Variants in ENTPD1 observed in about 807,000 individuals in gnomAD.
The protein encoded by ENTPD1 is ectonucleoside triphosphate diphosphohydrolase 1.
A neutral mutation model predicts 57.0 loss-of-function variants in ENTPD1; 33 were observed. The observed-to-expected ratio is 0.58, with a 90% confidence interval of 0.44 to 0.77. The LOEUF (loss-of-function observed/expected upper bound fraction) is 0.77. Among genes scored for constraint, ENTPD1 ranks in the 30% least tolerant of loss-of-function variants. The pLI, the probability that ENTPD1 is intolerant of heterozygous loss-of-function variation, is 0.00. For missense variants in ENTPD1, 501 were observed against 603.4 expected (o/e 0.83, Z 1.78); for synonymous variants, 202 against 218.8 (o/e 0.92, Z 0.68).
chr10:95,759,448 C>T (rs925740216), intron 1 of ENTPD1, among the ~76,000 whole-genome samples: 5 of 152,196 alleles, frequency 3.3e-5, no homozygotes, highest in Non-Finnish European at 7.3e-5. Flanking sequence ...CTGAACAGAA[C>T]ATCTGGTTCC....
chr10:95,873,188 G>A lies in ENTPD1; in HGVS notation c.*6805G>A, dbSNP rs2098482341. 2 of 985,262 alleles carry A rather than the reference G, an allele frequency of 2.0e-6. No homozygotes were observed. The highest frequency in any genetic ancestry group is 1.2e-4 in the Admixed American group (2 of 16,268). The allele number at this position is 985,262 out of a possible 1,614,324, so 61.0% of individuals were successfully genotyped here. ...CACTTTGCGTATCAAAGGTCTAGAT[G>A]ACATTATCATTCCAAAGAGTTTCTT... On this transcript the variant is annotated 3_prime_UTR_variant, in exon 10 of 10. Coordinates refer to ENST00000371205, the MANE Select transcript of ENTPD1 (RefSeq NM_001776.6).
chr10:95,712,169 G>C (rs1566084455), intron 1 of ENTPD1, among the ~76,000 whole-genome samples: 1 of 152,088 alleles, frequency 6.6e-6, no homozygotes, highest in South Asian at 2.1e-4. Context: ...TTTTTGGTAT[G>C]AATATTCACA....
In ENTPD1 at chr10:95,868,452, T is replaced by C; in HGVS notation, c.*2069T>C. The C allele has an allele frequency of 1.0e-6, 1 of 985,428 alleles. No homozygotes were observed. Among genetic ancestry groups the C allele is most frequent in the Non-Finnish European group, 1.2e-6 (1 of 829,938 alleles). 61.0% of individuals were successfully genotyped at this position (985,428 alleles called of 1,614,324 possible). On this transcript the variant is annotated 3_prime_UTR_variant, in exon 10 of 10. Transcript: ENST00000371205. ...AATCAGTGGTTCCCATACCCCTGGC[T>C]TCCTAATTTTAATGTTTGCTCACAG...
chr10:95,707,953 T>C (rs566859575), upstream of ENTPD1, among the ~76,000 whole-genome samples: 1 of 152,264 alleles, frequency 6.6e-6, no homozygotes, highest in African/African-American at 2.4e-5. Context: ...GATTTATGCG[T>C]TGTTCTGTAT....
At chr10:95,805,645 T>A (rs2098269080) in intron 1 of ENTPD1, among the ~76,000 whole-genome samples, 1 of 152,222 alleles carries the variant, frequency 6.6e-6, no homozygotes, top group Admixed American at 6.5e-5. Context: ...TTCCTTTCCA[T>A]GTTTAGTGCT....
At chr10:95,694,254 C>T in the ENTPD1 span, 1 of 302,634 alleles carries the variant, frequency 3.3e-6, no homozygotes, top group African/African-American at 2.3e-5. Flanking sequence ...AGCCCGGCCT[C>T]CGGTGCAAGG....
rs770662343 is a variant in ENTPD1, at chr10:95,823,224, C to T, written c.17-13C>T. 4.3e-6 allele frequency: 7 copies of T among 1,613,646 alleles called. No homozygotes were observed. The East Asian group carries it at 1.6e-4, about 36-fold the overall frequency. The stretch of plus-strand genomic sequence containing the variant: ...TTCTTGTTGGTATTTTTTTCTTCTG[C>T]TTTTGGTTTTAGAGTCTAACGTGAA... On this transcript the variant is annotated splice_polypyrimidine_tract_variant and intron_variant, in intron 1 of 9. Coordinates refer to ENST00000371205, the MANE Select transcript of ENTPD1 (RefSeq NM_001776.6).
In ENTPD1 at chr10:95,872,424, C is replaced by A; in HGVS notation, c.*6041C>A. 1.0e-6 allele frequency: 1 copy of A among 985,426 alleles called. No homozygotes were observed. The highest frequency in any genetic ancestry group is 1.2e-6 in the Non-Finnish European group (1 of 829,926). 61.0% of individuals were successfully genotyped at this position (985,426 alleles called of 1,614,324 possible). On this transcript the variant is annotated 3_prime_UTR_variant, in exon 10 of 10. Coordinates refer to ENST00000371205, the MANE Select transcript of ENTPD1 (RefSeq NM_001776.6). ...TACAGCCAGGTAGAATGACTGTTCACCCAACACCACTCAGGTTGTCTTCTC... is the reference window on the plus strand; with the variant it reads ...TACAGCCAGGTAGAATGACTGTTCAACCAACACCACTCAGGTTGTCTTCTC...
chr10:95,801,037 T>C (rs1196675598), intron 1 of ENTPD1, among the ~76,000 whole-genome samples: 1 of 152,118 alleles, frequency 6.6e-6, no homozygotes, highest in African/African-American at 2.4e-5. Flanking sequence ...TGTTCAGAGA[T>C]TGCAGTAAAG....
At chr10:95,702,190 A>G in the ENTPD1 span, among the ~76,000 whole-genome samples, 3 of 152,046 alleles carry the variant, frequency 2.0e-5, no homozygotes, top group East Asian at 5.8e-4. Flanking sequence ...TAATAATATT[A>G]GGTCCCAATA....
intron 1 of ENTPD1, among the ~76,000 whole-genome samples, chr10:95,777,405 T>C (rs1442927845): frequency 6.6e-6 from 1 of 152,252 alleles, no homozygotes; most frequent in African/African-American, 2.4e-5. Context: ...ACTGCAGGTC[T>C]GTTGGAGTTT....
intron 1 of ENTPD1, among the ~76,000 whole-genome samples, chr10:95,717,876 TC>T (rs1158667146): frequency 6.6e-6 from 1 of 152,180 alleles, no homozygotes; most frequent in African/African-American, 2.4e-5. Context: ...GCAGTAGATC[TC>T]AGTCATGGAC....
intron 1 of ENTPD1, among the ~76,000 whole-genome samples, chr10:95,746,650 T>C (rs2098006401): frequency 6.6e-6 from 1 of 152,166 alleles, no homozygotes; most frequent in South Asian, 2.1e-4. Flanking sequence ...GGACGGGGCA[T>C]TTTTTGAACG....
intron 8 of ENTPD1, among the ~76,000 whole-genome samples, chr10:95,862,762 A>C (rs141647013): frequency 6.6e-6 from 1 of 152,318 alleles, no homozygotes; most frequent in African/African-American, 2.4e-5. Flanking sequence ...AGCCCAAGTG[A>C]ACAATGTGAT....
At chr10:95,852,201 T>C (rs1195647790) in intron 7 of ENTPD1, among the ~76,000 whole-genome samples, 3 of 152,256 alleles carry the variant, frequency 2.0e-5, no homozygotes, top group Non-Finnish European at 2.9e-5. Flanking sequence ...CATTTTTTCA[T>C]GTATCTGTTG....
intron 7 of ENTPD1, among the ~76,000 whole-genome samples, chr10:95,850,527 T>C (rs748443641): frequency 2.0e-5 from 3 of 152,144 alleles, no homozygotes; most frequent in Non-Finnish European, 4.4e-5. Context: ...GGGAGCTGAT[T>C]TGTAGCACTT....
chr10:95,812,891 C>A (rs570607185), intron 1 of ENTPD1, among the ~76,000 whole-genome samples: 2 of 152,134 alleles, frequency 1.3e-5, no homozygotes, highest in East Asian at 3.9e-4. Flanking sequence ...AGTTAGAATA[C>A]ATTTAATATG....
intron 1 of ENTPD1, among the ~76,000 whole-genome samples, chr10:95,727,180 G>A (rs561499723): frequency 6.6e-6 from 1 of 152,278 alleles, no homozygotes; most frequent in African/African-American, 2.4e-5. Flanking sequence ...CTCTCGATTT[G>A]AGTCATAGTT....
chr10:95,805,012 G>T (rs2098266170), intron 1 of ENTPD1, among the ~76,000 whole-genome samples: 1 of 152,078 alleles, frequency 6.6e-6, no homozygotes, highest in Non-Finnish European at 1.5e-5. Context: ...GGTCTGCTTG[G>T]TGCAGAGCTG....
Sources: allele counts gnomAD v4.1 joint callset (sites outside exome capture counted in the v4.1 genomes callset), GRCh38; gene constraint gnomAD v4.1.1; transcripts MANE v1.5; gene names NCBI Gene and HGNC (gene_info 2026-07-23, HGNC 2026-07-21).